CNTNAP2: variants seen among roughly 807,000 people sequenced by gnomAD.
CNTNAP2 encodes contactin-associated protein-like 2.
CNTNAP2 carries 98 observed loss-of-function variants against 155.2 expected under a neutral mutation model. The ratio of observed to expected loss-of-function variants is 0.63; its 90% CI spans 0.54 to 0.75. The LOEUF is 0.75. Among genes scored for constraint, CNTNAP2 ranks in the 30% least tolerant of loss-of-function variants. The probability of loss-of-function intolerance (pLI) is 0.00; values close to 1 mark genes in which losing one functional copy is unlikely to be tolerated. For synonymous variants in CNTNAP2, 651 were observed against 631.2 expected (o/e 1.03, Z -0.47); for missense variants, 1,727 against 1,688.1 (o/e 1.02, Z -0.40).
Position 146,148,537 on chromosome 7 carries a change from T to C in CNTNAP2, c.97+31564T>C, listed in dbSNP as rs1229157678. The stretch of plus-strand genomic sequence containing the variant: ...TATTGGGAAAATGCTCTAAGTAACA[T>C]TGCTCTGTTTCCTACTGATAAAGAC... On this transcript the variant is annotated intron_variant, in intron 1 of 23. Transcript: ENST00000361727. Among the ~76,000 whole-genome samples, 7 of 152,270 alleles carry C rather than the reference T, an allele frequency of 4.6e-5. No individual in the cohort carries two copies. The East Asian group carries it at 1.4e-3, about 29-fold the overall frequency.
At chr7:148,150,872 C>A (rs905892591) in intron 17 of CNTNAP2, among the ~76,000 whole-genome samples, 1 of 151,858 alleles carries the variant, frequency 6.6e-6, no homozygotes, top group East Asian at 2.0e-4. Flanking sequence ...GTCCCCAAGT[C>A]GCTGGGACTA....
intron 9 of CNTNAP2, among the ~76,000 whole-genome samples, chr7:147,379,449 G>A (rs1212250371): frequency 6.6e-6 from 1 of 151,972 alleles, no homozygotes; most frequent in Non-Finnish European, 1.5e-5. Flanking sequence ...TTTGTCATTA[G>A]TAATCCTATA....
At chr7:148,238,515 C>T (rs1448998975) in intron 20 of CNTNAP2, among the ~76,000 whole-genome samples, 1 of 152,170 alleles carries the variant, frequency 6.6e-6, no homozygotes, top group African/African-American at 2.4e-5. Context: ...GCCTTATAAA[C>T]TTTTGAAATT....
intron 3 of CNTNAP2, among the ~76,000 whole-genome samples, chr7:146,988,550 G>A (rs914320462): frequency 6.6e-6 from 1 of 152,016 alleles, no homozygotes; most frequent in African/African-American, 2.4e-5. Flanking sequence ...TTGTCCCCAC[G>A]AAAATGACTT....
chr7:146,748,151 T>C (rs1801842192), intron 1 of CNTNAP2, among the ~76,000 whole-genome samples: 1 of 143,518 alleles, frequency 7.0e-6, no homozygotes, highest in Non-Finnish European at 1.5e-5. Flanking sequence ...TTCTTTTTTT[T>C]TTTTTTTTTT....
At chr7:147,066,882 T>C (rs922488858) in intron 4 of CNTNAP2, among the ~76,000 whole-genome samples, 2 of 152,188 alleles carry the variant, frequency 1.3e-5, no homozygotes, top group Non-Finnish European at 2.9e-5. Flanking sequence ...AAATCTAAGA[T>C]CAGGGTGCTA....
intron 8 of CNTNAP2, among the ~76,000 whole-genome samples, chr7:147,135,052 G>T (rs1473819662): frequency 6.6e-6 from 1 of 151,826 alleles, no homozygotes; most frequent in Non-Finnish European, 1.5e-5. Flanking sequence ...CAGGATGAAT[G>T]TAACCCAATT....
intron 15 of CNTNAP2, among the ~76,000 whole-genome samples, chr7:148,019,763 T>A (rs1038194127): frequency 6.6e-6 from 1 of 151,188 alleles, no homozygotes; most frequent in Non-Finnish European, 1.5e-5. Flanking sequence ...ATTCTCAGGG[T>A]ATTCTTTTTT....
At position 146,839,750 on chromosome 7, in the gene CNTNAP2, A is replaced by G. The variant is rs1399864854; in HGVS notation, c.248A>G (p.Gln83Arg). The part of the protein sequence containing the change: ...GWSPSDSDHY[Q>R]WLQVDFGNRK... ...TCTCCATCAGACAGCGACCATTATC[A>G]ATGGCTTCAGGTTGACTTTGGCAAT... Residue 83 changes from glutamine to arginine, a missense_variant, in exon 3 of 24, where the codon CAA (glutamine) becomes CGA (arginine). By Grantham distance (43) the Gln-to-Arg change is conservative. Coordinates refer to ENST00000361727, the MANE Select transcript of CNTNAP2 (RefSeq NM_014141.6). The G allele has an allele frequency of 6.2e-7, 1 of 1,614,170 alleles. No homozygotes were observed. Among genetic ancestry groups the G allele is most frequent in the Admixed American group, 1.7e-5 (1 of 60,026 alleles).
chr7:147,309,777 T>C (rs978890705), intron 9 of CNTNAP2, among the ~76,000 whole-genome samples: 3 of 152,146 alleles, frequency 2.0e-5, no homozygotes, highest in South Asian at 2.1e-4. Context: ...TATAGGGTTT[T>C]CTATATAGGT....
chr7:146,688,225 A>G (rs1351477029), intron 1 of CNTNAP2, among the ~76,000 whole-genome samples: 1 of 152,204 alleles, frequency 6.6e-6, no homozygotes, highest in Non-Finnish European at 1.5e-5. Context: ...ACTATTTAAT[A>G]GTATTAATCA....
At chr7:147,340,329 T>G (rs1261058296) in intron 9 of CNTNAP2, among the ~76,000 whole-genome samples, 2 of 152,164 alleles carry the variant, frequency 1.3e-5, no homozygotes, top group Non-Finnish European at 2.9e-5. Context: ...ATGTGTCCTT[T>G]ATGTAAAATG....
At chr7:146,774,200 C>T in intron 1 of CNTNAP2, 71 bp from the exon 2 acceptor site, 2 of 1,083,550 alleles carry the variant, frequency 1.8e-6, no homozygotes, top group South Asian at 1.3e-5. Context: ...GATTTTTTAA[C>T]CAACACATAC....
At chr7:146,929,358 A>G (rs1401710407) in intron 3 of CNTNAP2, among the ~76,000 whole-genome samples, 2 of 152,166 alleles carry the variant, frequency 1.3e-5, no homozygotes, top group Non-Finnish European at 2.9e-5. Flanking sequence ...GCAAACTCCA[A>G]CAGGCCTGCA....
chr7:147,170,165 G>T (rs377637476), intron 8 of CNTNAP2, among the ~76,000 whole-genome samples: 3 of 152,128 alleles, frequency 2.0e-5, no homozygotes, highest in South Asian at 2.1e-4. Context: ...CTGTGCAGGG[G>T]TTTTTGTTTG....
chr7:146,608,864 T>G (rs935605469), intron 1 of CNTNAP2, among the ~76,000 whole-genome samples: 2 of 152,272 alleles, frequency 1.3e-5, no homozygotes, highest in East Asian at 3.9e-4. Flanking sequence ...CAACATGTAG[T>G]GTACATACCT....
At position 147,132,419 on chromosome 7, in the gene CNTNAP2, G is replaced by A; in HGVS notation, c.1258G>A (p.Gly420Ser). Residue 420 changes from glycine to serine, a missense_variant, in exon 8 of 24, where the codon GGC becomes AGC. By Grantham distance (56) the Gly-to-Ser change is moderately conservative. Transcript: ENST00000361727. ...LVFSHFADNL[G>S]NVEIDLTESK... ...CTTCAGTCACTTTGCGGATAATTTG[G>A]GCAATGTGGAGATTGACCTCACTGA... The A allele has an allele frequency of 6.2e-7, 1 of 1,613,604 alleles. No homozygotes were observed. The highest frequency in any genetic ancestry group is 8.5e-7 in the Non-Finnish European group (1 of 1,179,776).
rs564826918 is a variant in CNTNAP2 at position 148,146,955 on chromosome 7, GA to G, written c.2555-535del. 1.7e-3 allele frequency among the ~76,000 whole-genome samples: 266 copies of G among 152,318 alleles called. 1 individual carries two copies. Among genetic ancestry groups the G allele is most frequent in the African/African-American group, 5.7e-3 (235 of 41,566 alleles). On this transcript the variant is annotated intron_variant, in intron 16 of 23. Coordinates refer to ENST00000361727, the MANE Select transcript of CNTNAP2 (RefSeq NM_014141.6). ...TAGCTATGTGTTAACATTTCCTGGG[GA>G]GTTTTTTTAAAATACCAGTGCCAAC...
At chr7:148,083,883 G>T (rs1365899088) in intron 15 of CNTNAP2, among the ~76,000 whole-genome samples, 1 of 152,152 alleles carries the variant, frequency 6.6e-6, no homozygotes, top group Non-Finnish European at 1.5e-5. Flanking sequence ...GAGTCTCCAT[G>T]AATTGCACTT....
Sources: gnomAD v4.1 joint callset for allele counts (sites outside exome capture counted in the v4.1 genomes callset) on GRCh38, gnomAD v4.1.1 for gene constraint, MANE v1.5 for transcripts, NCBI Gene and HGNC (gene_info 2026-07-23, HGNC 2026-07-21) for gene names.